Variants in RBFOX1 observed in about 807,000 individuals in gnomAD.
RBFOX1 encodes the protein RNA binding protein fox-1 homolog 1.
A neutral mutation model predicts 57.7 loss-of-function variants in RBFOX1; 8 were observed. The observed-to-expected ratio is 0.14, with a 90% CI of 0.08 to 0.25. RBFOX1 has a LOEUF of 0.25. RBFOX1 is among the 10% of genes least tolerant of loss of function. The pLI, the probability that RBFOX1 is intolerant of heterozygous loss-of-function variation, is 1.00. For synonymous variants in RBFOX1, 326 were observed against 222.4 expected (o/e 1.47, Z -4.15); for missense variants, 611 against 548.5 (o/e 1.11, Z -1.14).
rs998564189 is a variant in RBFOX1 at position 6,986,161 on chromosome 16, C to T, written c.-15-65896C>T. Among the ~76,000 whole-genome samples the T allele has an allele frequency of 6.6e-3, 789 of 118,890 alleles. 5 individuals are homozygous for T. Among genetic ancestry groups the T allele is most frequent in the African/African-American group, 0.022 (525 of 23,998 alleles). 78.0% of individuals were successfully genotyped at this position (118,890 alleles called of 152,430 possible). On this transcript the variant is annotated intron_variant, in intron 3 of 15. Transcript: ENST00000550418. ...CTTGTACAATAACCCTTATATACGT[C>T]TACCAGAATCACCAATTTCTATTTT...
chr16:7,087,198 G>A (rs1359054087), intron 4 of RBFOX1, among the ~76,000 whole-genome samples: 2 of 152,118 alleles, frequency 1.3e-5, no homozygotes, highest in Admixed American at 1.3e-4. Flanking sequence ...TTTCTCTGCG[G>A]CTGGAGCTTT....
At chr16:5,778,417 A>G (rs1182875511) in intron 3 of RBFOX1, among the ~76,000 whole-genome samples, 2 of 152,134 alleles carry the variant, frequency 1.3e-5, no homozygotes, top group Non-Finnish European at 1.5e-5. Context: ...CTGGTTCACA[A>G]TCTGATGGGC....
At chr16:7,180,356 C>A (rs767127983) in intron 4 of RBFOX1, among the ~76,000 whole-genome samples, 4 of 152,220 alleles carry the variant, frequency 2.6e-5, no homozygotes, top group African/African-American at 7.2e-5. Flanking sequence ...GTTACAGATA[C>A]CACACACAAG....
At chr16:6,634,193 A>T (rs1330219855) in intron 2 of RBFOX1, among the ~76,000 whole-genome samples, 1 of 152,182 alleles carries the variant, frequency 6.6e-6, no homozygotes, top group Non-Finnish European at 1.5e-5. Context: ...TAAACAGTAA[A>T]GTTGCCTTCT....
intron 3 of RBFOX1, among the ~76,000 whole-genome samples, chr16:6,994,614 A>C (rs150643052): frequency 6.6e-6 from 1 of 152,210 alleles, no homozygotes. Flanking sequence ...TGTATCTGCT[A>C]GTGTTTTGAT....
chr16:5,823,059 G>C (rs537901685), intron 3 of RBFOX1, among the ~76,000 whole-genome samples: 1 of 152,218 alleles, frequency 6.6e-6, no homozygotes, highest in South Asian at 2.1e-4. Context: ...AATGCTATTG[G>C]GAGCCACTGC....
At chr16:7,641,543 CCTAATACT>C (rs1280436553) in intron 11 of RBFOX1, among the ~76,000 whole-genome samples, 1 of 152,122 alleles carries the variant, frequency 6.6e-6, no homozygotes, top group Non-Finnish European at 1.5e-5. Flanking sequence ...GCTCTTGATG[CCTAATACT>C]TTTCATATGA....
intron 3 of RBFOX1, among the ~76,000 whole-genome samples, chr16:5,834,687 G>GTAGATAGCTAGA (rs1555541441): frequency 7.4e-6 from 1 of 134,802 alleles, no homozygotes; most frequent in Non-Finnish European, 1.5e-5. Context: ...AATGGGATAG[G>GTAGATAGCTAGA]TAGATAGATA....
At chr16:7,612,740 A>T in intron 10 of RBFOX1, among the ~76,000 whole-genome samples, 1 of 152,208 alleles carries the variant, frequency 6.6e-6, no homozygotes, top group East Asian at 1.9e-4. Context: ...TAAATAACAG[A>T]AGGTTACACA....
In RBFOX1 at chr16:6,982,851, G is replaced by A. The variant is rs546645804; in HGVS notation, c.-15-69206G>A. On this transcript the variant is annotated intron_variant, in intron 3 of 15. Transcript: ENST00000550418. ...CTACTAAAAATACAAAAATTAGCTG[G>A]GCATGGTGGCGGATGCCTGTAATCC... is the stretch of plus-strand genomic sequence containing the variant. Among the ~76,000 whole-genome samples the A allele has an allele frequency of 2.6e-5, 4 of 152,038 alleles. No individual in the cohort carries two copies. In the East Asian group the frequency reaches 5.8e-4, roughly 22 times the overall value.
At chr16:7,650,092 A>G (rs759411143) in intron 11 of RBFOX1, among the ~76,000 whole-genome samples, 4 of 146,968 alleles carry the variant, frequency 2.7e-5, no homozygotes, top group African/African-American at 9.9e-5. Flanking sequence ...GGGAGAAGGA[A>G]TAAAAAAGGA....
intron 3 of RBFOX1, among the ~76,000 whole-genome samples, chr16:7,011,240 C>A (rs964403244): frequency 6.6e-6 from 1 of 152,076 alleles, no homozygotes; most frequent in Non-Finnish European, 1.5e-5. Flanking sequence ...GTTCTAAGGG[C>A]TTTTGCAACA....
At chr16:6,160,873 A>G (rs2096873179) in intron 1 of RBFOX1, among the ~76,000 whole-genome samples, 1 of 152,092 alleles carries the variant, frequency 6.6e-6, no homozygotes, top group Non-Finnish European at 1.5e-5. Context: ...CTTTCCTCAG[A>G]CAGCCTTTTC....
chr16:6,596,425 C>T (rs1434170101), intron 2 of RBFOX1, among the ~76,000 whole-genome samples: 1 of 152,184 alleles, frequency 6.6e-6, no homozygotes, highest in Non-Finnish European at 1.5e-5. Flanking sequence ...GGGTGCGTCA[C>T]TGCAGTTGTT....
intron 4 of RBFOX1, chr16:7,304,147 G>A: frequency 2.1e-6 from 2 of 938,994 alleles, no homozygotes; most frequent in Non-Finnish European, 2.5e-6. Flanking sequence ...GAGCCAGGGA[G>A]GAGGGACCGG....
intron 1 of RBFOX1, among the ~76,000 whole-genome samples, chr16:6,144,143 C>G (rs1353815720): frequency 6.6e-6 from 1 of 152,018 alleles, no homozygotes; most frequent in Non-Finnish European, 1.5e-5. Context: ...GCATGTATTC[C>G]TATAGCATGG....
chr16:6,783,240 T>C (rs369287648), intron 3 of RBFOX1, among the ~76,000 whole-genome samples: 12 of 151,980 alleles, frequency 7.9e-5, no homozygotes, highest in African/African-American at 2.9e-4. Context: ...CTCATTGTTA[T>C]TATTGATAGG....
chr16:7,051,490 G>GGT (rs2050061113), intron 3 of RBFOX1, among the ~76,000 whole-genome samples: 1 of 152,150 alleles, frequency 6.6e-6, no homozygotes, highest in South Asian at 2.1e-4. Flanking sequence ...AACCTATCAG[G>GGT]ATCTCTTTCT....
intron 3 of RBFOX1, among the ~76,000 whole-genome samples, chr16:6,985,049 G>A (rs182293696): frequency 8.9e-4 from 125 of 140,332 alleles, no homozygotes; most frequent in Non-Finnish European, 1.4e-3. Context: ...ATCCCAATGA[G>A]TTAGTTCCTC....
Sources: allele counts gnomAD v4.1 joint callset (sites outside exome capture counted in the v4.1 genomes callset), GRCh38; gene constraint gnomAD v4.1.1; transcripts MANE v1.5; gene names NCBI Gene and HGNC (gene_info 2026-07-23, HGNC 2026-07-21).